The following SYN1 variants were observed in gnomAD, a reference collection of about 807,000 sequenced individuals.
SYN1 encodes the protein synapsin-1.
Under a neutral mutation model 44.6 loss-of-function variants are expected in SYN1, and 8 were observed. The observed-to-expected ratio is 0.18, with a 90% CI of 0.11 to 0.32. SYN1 has a LOEUF of 0.32. SYN1 is among the 10% of genes least tolerant of loss of function. The pLI, the probability that SYN1 is intolerant of heterozygous loss-of-function variation, is 1.00. For synonymous variants in SYN1, 275 were observed against 280.1 expected (o/e 0.98, Z 0.18); for missense variants, 451 against 639.4 (o/e 0.71, Z 3.18).
intron 1 of SYN1, among the ~76,000 whole-genome samples, chrX:47,617,410 A>C (rs2057934490): frequency 9.0e-6 from 1 of 111,445 alleles, no homozygotes; most frequent in Non-Finnish European, 1.9e-5. Flanking sequence ...AAATTTAGTA[A>C]ATTTACTAAA....
At chrX:47,586,068 C>T (rs2057824856) in intron 5 of SYN1, 2 of 958,252 alleles carry the variant, frequency 2.1e-6, no homozygotes. Context: ...GCAGCTCTGA[C>T]TATTCCAGAC....
At chrX:47,604,345 C>T (rs766151327) in intron 5 of SYN1, among the ~76,000 whole-genome samples, 70 of 110,862 alleles carry the variant, frequency 6.3e-4, no homozygotes, top group African/African-American at 1.8e-3. Flanking sequence ...CTCCAACTCC[C>T]GGGTTCAAGT....
chrX:47,589,316 G>A (rs1011361274), intron 5 of SYN1, among the ~76,000 whole-genome samples: 10 of 79,621 alleles, frequency 1.3e-4, no homozygotes, highest in South Asian at 1.2e-3. Context: ...AAAAAAGGCC[G>A]GGCATGGTGG....
At chrX:47,596,682 G>T (rs1275209745) in intron 5 of SYN1, among the ~76,000 whole-genome samples, 3 of 112,543 alleles carry the variant, frequency 2.7e-5, no homozygotes, top group Non-Finnish European at 5.6e-5. Flanking sequence ...AGGCTTTACA[G>T]AATTAGTTCA....
intron 1 of SYN1, among the ~76,000 whole-genome samples, chrX:47,609,034 A>G (rs988600379): frequency 3.7e-5 from 4 of 109,547 alleles, no homozygotes; most frequent in Non-Finnish European, 7.6e-5. Context: ...ACACACACAC[A>G]CACACCATCG....
rs750759975 is a variant in SYN1 at position 47,607,017 on chromosome X, T to C, written c.455A>G (p.Asn152Ser). ...TCCACCATTGGCATGGGCCACAAGG[T>C]TGAGATCAGAGAATTCGGCCTGGGA... ...KVEQAEFSDL[N>S]LVAHANGGFS... Residue 152 changes from asparagine to serine, a missense_variant, in exon 3 of 13, where the codon AAC (asparagine) becomes AGC (serine). By Grantham distance (46) the Asn-to-Ser change is conservative. This residue lies in a region of SYN1 where 315 missense variants were observed against 451.4 expected (regional missense o/e 0.70). Coordinates refer to ENST00000295987, the MANE Select transcript of SYN1 (RefSeq NM_006950.3). The C allele has an allele frequency of 7.4e-6, 9 of 1,210,818 alleles. No homozygotes were observed. Among genetic ancestry groups the C allele is most frequent in the Non-Finnish European group, 1.0e-5 (9 of 895,164 alleles).
intron 5 of SYN1, among the ~76,000 whole-genome samples, chrX:47,592,282 G>A (rs1333482987): frequency 1.8e-5 from 2 of 110,830 alleles, no homozygotes; most frequent in South Asian, 3.8e-4. Context: ...GGGCTGCAGT[G>A]AGCTACAATC....
chrX:47,581,892 G>A (rs1490286419), intron 5 of SYN1, among the ~76,000 whole-genome samples: 2 of 111,538 alleles, frequency 1.8e-5, no homozygotes, highest in African/African-American at 3.3e-5. Context: ...TAACCACTCC[G>A]TGCCTCAGTT....
chrX:47,598,714 C>T lies in SYN1; in HGVS notation c.774+6264G>A, dbSNP rs753049167. Among the ~76,000 whole-genome samples the T allele has an allele frequency of 3.6e-5, 4 of 111,611 alleles. No individual in the cohort carries two copies. The South Asian group carries it at 1.5e-3, about 41-fold the overall frequency. ...TGGTGGCAGGCACCTGTAGTCCCAGCTACTAAGAAGGCTGAGGCAGGAGAA... is the reference window on the plus strand; with the variant it reads ...TGGTGGCAGGCACCTGTAGTCCCAGTTACTAAGAAGGCTGAGGCAGGAGAA... On this transcript the variant is annotated intron_variant, in intron 5 of 12. Transcript: ENST00000295987.
intron 5 of SYN1, among the ~76,000 whole-genome samples, chrX:47,591,449 G>A (rs1230429431): frequency 4.5e-5 from 5 of 111,287 alleles, no homozygotes; most frequent in African/African-American, 9.8e-5. Context: ...GGCCGGGCGC[G>A]GTGGCTCACA....
chrX:47,575,340 T>G (rs1001204797), intron 9 of SYN1, 66 bp from the exon 10 acceptor site: 65 of 1,158,023 alleles, frequency 5.6e-5, no homozygotes, highest in Non-Finnish European at 7.6e-5. Flanking sequence ...AGTAACACCG[T>G]GCTTTCAGTT....
At chrX:47,597,848 A>G (rs1458586680) in intron 5 of SYN1, among the ~76,000 whole-genome samples, 4 of 112,323 alleles carry the variant, frequency 3.6e-5, no homozygotes, top group Non-Finnish European at 7.5e-5. Flanking sequence ...TTCTCATTAG[A>G]AATCTTGAAG....
intron 1 of SYN1, among the ~76,000 whole-genome samples, chrX:47,612,864 G>C (rs1293027297): frequency 8.9e-6 from 1 of 111,745 alleles, no homozygotes; most frequent in African/African-American, 3.3e-5. Flanking sequence ...TGGGCGCGGT[G>C]GCTCACGCCT....
chrX:47,578,604 A>G (rs2057785288), intron 5 of SYN1, among the ~76,000 whole-genome samples: 1 of 111,776 alleles, frequency 8.9e-6, no homozygotes, highest in East Asian at 2.8e-4. Context: ...ACAGTCACAC[A>G]TTCAGGCGAG....
At chrX:47,603,505 T>C (rs1373183163) in intron 5 of SYN1, among the ~76,000 whole-genome samples, 2 of 112,286 alleles carry the variant, frequency 1.8e-5, no homozygotes, top group African/African-American at 6.5e-5. Flanking sequence ...ACTAATCATT[T>C]ATAGTAATAA....
intron 3 of SYN1, among the ~76,000 whole-genome samples, chrX:47,605,895 T>G (rs1363274574): frequency 9.1e-6 from 1 of 109,687 alleles, no homozygotes; most frequent in East Asian, 2.8e-4. Flanking sequence ...ATATATATAT[T>G]TTTTTCTTTT....
intron 5 of SYN1, among the ~76,000 whole-genome samples, chrX:47,602,614 C>T (rs1429612847): frequency 9.1e-6 from 1 of 109,969 alleles, no homozygotes; most frequent in Non-Finnish European, 1.9e-5. Flanking sequence ...TGCACTCCAG[C>T]CTGGCGACAG....
chrX:47,585,260 C>A, intron 5 of SYN1: 1 of 1,209,143 alleles, frequency 8.3e-7, no homozygotes, highest in Non-Finnish European at 1.1e-6. Flanking sequence ...TTCGTCTACA[C>A]CCCCGCCATG....
chrX:47,573,412 G>C (rs1314487411), intron 12 of SYN1, among the ~76,000 whole-genome samples: 1 of 112,025 alleles, frequency 8.9e-6, no homozygotes, highest in Non-Finnish European at 1.9e-5. Flanking sequence ...AGGACAGGCT[G>C]TTGGGCAAGT....
Sources: gnomAD v4.1 joint callset for allele counts (sites outside exome capture counted in the v4.1 genomes callset) on GRCh38, gnomAD v4.1.1 for gene constraint, gnomAD v4.1.1 regional missense constraint, MANE v1.5 for transcripts, NCBI Gene and HGNC (gene_info 2026-07-23, HGNC 2026-07-21) for gene names.